RBFOX1: variants seen among roughly 807,000 people sequenced by gnomAD.
RBFOX1 encodes RNA binding protein fox-1 homolog 1.
Under a neutral mutation model 57.7 loss-of-function variants are expected in RBFOX1, and 8 were observed. The observed-to-expected ratio is 0.14, with a 90% CI of 0.08 to 0.25. The LOEUF (loss-of-function observed/expected upper bound fraction) is 0.25. Ranked by LOEUF, RBFOX1 falls within the 10% of genes least tolerant of loss-of-function variation. The pLI is 1.00. For synonymous variants in RBFOX1, 326 were observed against 222.4 expected (o/e 1.47, Z -4.15); for missense variants, 611 against 548.5 (o/e 1.11, Z -1.14).
chr16:5,532,428 C>T (rs563997136), intron 2 of RBFOX1, among the ~76,000 whole-genome samples: 1 of 152,248 alleles, frequency 6.6e-6, no homozygotes, highest in East Asian at 1.9e-4. Flanking sequence ...AATCTCAGGC[C>T]CTGACCCGGA....
intron 1 of RBFOX1, among the ~76,000 whole-genome samples, chr16:6,195,499 C>G (rs1187411964): frequency 6.6e-6 from 1 of 152,210 alleles, no homozygotes; most frequent in South Asian, 2.1e-4. Flanking sequence ...GGGCCAATCA[C>G]CTGAGGTCGG....
chr16:6,440,602 A>T (rs914116365), intron 2 of RBFOX1, among the ~76,000 whole-genome samples: 2 of 152,042 alleles, frequency 1.3e-5, no homozygotes, highest in African/African-American at 4.8e-5. Context: ...AGAGATCAAG[A>T]TCATCCTGGC....
chr16:6,663,419 C>G (rs963606815), intron 3 of RBFOX1, among the ~76,000 whole-genome samples: 7 of 152,166 alleles, frequency 4.6e-5, no homozygotes, highest in Non-Finnish European at 7.3e-5. Flanking sequence ...GGATTTGTTT[C>G]TATTAGTGCC....
At position 5,509,585 on chromosome 16, in the gene RBFOX1, T is replaced by C. The variant is rs933709147; in HGVS notation, c.258+42331T>C. Among the ~76,000 whole-genome samples the C allele has an allele frequency of 2.0e-5, 3 of 152,188 alleles. No homozygotes were observed. In the South Asian group the frequency reaches 6.2e-4, roughly 32 times the overall value. Reference sequence around the variant, plus strand: ...GTGTTGTTAGAGTCTTTGTCTCTTATTCACAGAGCAGTGAGGGGCCCTTGC... The same window carrying C: ...GTGTTGTTAGAGTCTTTGTCTCTTACTCACAGAGCAGTGAGGGGCCCTTGC... On this transcript the variant is annotated intron_variant, in intron 2 of 2. Transcript: ENST00000585867.
At chr16:7,220,639 T>A (rs1192936902) in intron 4 of RBFOX1, among the ~76,000 whole-genome samples, 1 of 152,206 alleles carries the variant, frequency 6.6e-6, no homozygotes, top group Non-Finnish European at 1.5e-5. Context: ...ACTTGTTACC[T>A]GGACTTTTGA....
chr16:6,454,086 C>A (rs915515406), intron 2 of RBFOX1, among the ~76,000 whole-genome samples: 1 of 152,184 alleles, frequency 6.6e-6, no homozygotes, highest in African/African-American at 2.4e-5. Flanking sequence ...GTCTCCTCTT[C>A]TTGCAAAGGC....
intron 4 of RBFOX1, among the ~76,000 whole-genome samples, chr16:7,178,689 T>G (rs2082127749): frequency 6.6e-6 from 1 of 152,174 alleles, no homozygotes. Flanking sequence ...TTCTACTTGA[T>G]GGTAAAAGTC....
At chr16:7,398,575 G>A (rs191731261) in intron 4 of RBFOX1, among the ~76,000 whole-genome samples, 38 of 152,346 alleles carry the variant, frequency 2.5e-4, no homozygotes, top group African/African-American at 8.7e-4. Flanking sequence ...TTGATCCCCA[G>A]TGTGACAAAT....
At chr16:5,656,314 G>A (rs941760841) in intron 3 of RBFOX1, among the ~76,000 whole-genome samples, 9 of 152,216 alleles carry the variant, frequency 5.9e-5, no homozygotes, top group Middle Eastern at 3.4e-3. Context: ...GTGCAGAGGC[G>A]AGCATATCAT....
intron 3 of RBFOX1, among the ~76,000 whole-genome samples, chr16:6,791,575 A>T (rs1005554208): frequency 1.3e-5 from 2 of 152,200 alleles, no homozygotes; most frequent in African/African-American, 4.8e-5. Flanking sequence ...CCTGGCCAAC[A>T]TGGTGAAACC....
At chr16:7,044,103 G>C (rs1417489082) in intron 3 of RBFOX1, among the ~76,000 whole-genome samples, 1 of 152,044 alleles carries the variant, frequency 6.6e-6, no homozygotes, top group Non-Finnish European at 1.5e-5. Flanking sequence ...AGCCTTCTTT[G>C]CTGTTGTATT....
At chr16:7,305,152 C>A (rs1420107342) in intron 4 of RBFOX1, among the ~76,000 whole-genome samples, 10 of 150,738 alleles carry the variant, frequency 6.6e-5, no homozygotes, top group Middle Eastern at 6.8e-3. Flanking sequence ...TTTTTTTTTC[C>A]CTTTCACTTC....
intron 3 of RBFOX1, among the ~76,000 whole-genome samples, chr16:6,879,505 C>T (rs542330252): frequency 2.0e-5 from 3 of 152,162 alleles, no homozygotes; most frequent in Admixed American, 1.3e-4. Flanking sequence ...TTGCAATTTA[C>T]AAACTTACTT....
chr16:5,746,031 G>T (rs62014096), intron 3 of RBFOX1, among the ~76,000 whole-genome samples: 3,299 of 152,272 alleles, frequency 0.022, 58 homozygotes, highest in Non-Finnish European at 0.035. Context: ...TGTCCTGAAT[G>T]GTAATGCCTA....
chr16:6,630,573 A>G (rs2098372055), intron 2 of RBFOX1, among the ~76,000 whole-genome samples: 1 of 152,166 alleles, frequency 6.6e-6, no homozygotes, highest in African/African-American at 2.4e-5. Flanking sequence ...TAAGAAAGCT[A>G]AGATCTAGTC....
chr16:7,680,152 A>G (rs537605407), intron 14 of RBFOX1, among the ~76,000 whole-genome samples: 1 of 152,254 alleles, frequency 6.6e-6, no homozygotes, highest in East Asian at 1.9e-4. Flanking sequence ...CCATCACATC[A>G]GCTTGATGAA....
At chr16:7,012,426 A>C (rs1439077068) in intron 3 of RBFOX1, among the ~76,000 whole-genome samples, 1 of 152,186 alleles carries the variant, frequency 6.6e-6, no homozygotes, top group East Asian at 1.9e-4. Flanking sequence ...TGGGTGTGTC[A>C]TAGGCAAGGA....
intron 3 of RBFOX1, among the ~76,000 whole-genome samples, chr16:7,043,685 T>C (rs78481536): frequency 0.016 from 2,363 of 152,340 alleles, 39 homozygotes; most frequent in East Asian, 0.093. Context: ...ATTCTATTAT[T>C]GTGGACATGA....
At position 5,282,718 on chromosome 16, in the gene RBFOX1, C is replaced by G. The variant is rs142033028; in HGVS notation, c.219+42613C>G. The stretch of plus-strand genomic sequence containing the variant: ...GATTTCTAAGCAGCAAAGCATTCAA[C>G]ACATGACTTGGGTGCTGTTAAAGGC... On this transcript the variant is annotated intron_variant, in intron 1 of 2. Transcript: ENST00000585867. Among the ~76,000 whole-genome samples the G allele has an allele frequency of 8.2e-4, 125 of 152,292 alleles. 2 individuals carry two copies. The East Asian group carries it at 0.022, about 27-fold the overall frequency.
Sources: gnomAD v4.1 joint callset for allele counts (sites outside exome capture counted in the v4.1 genomes callset) on GRCh38, gnomAD v4.1.1 for gene constraint, MANE v1.5 for transcripts, NCBI Gene and HGNC (gene_info 2026-07-23, HGNC 2026-07-21) for gene names.